CRIM1: variants seen among roughly 807,000 people sequenced by gnomAD.
CRIM1 encodes the protein cysteine-rich motor neuron 1 protein.
A neutral mutation model predicts 116.4 loss-of-function variants in CRIM1; 32 were observed. The observed-to-expected ratio is 0.27, with a 90% CI of 0.21 to 0.37. The LOEUF is 0.37. Ranked by LOEUF, CRIM1 falls within the 10% of genes least tolerant of loss-of-function variation. CRIM1 has a pLI of 1.00. For missense variants in CRIM1, 1,331 were observed against 1,354.8 expected (o/e 0.98, Z 0.28); for synonymous variants, 590 against 509.2 (o/e 1.16, Z -2.13).
At chr2:36,371,605 G>A (rs549837643) in intron 1 of CRIM1, among the ~76,000 whole-genome samples, 3 of 152,226 alleles carry the variant, frequency 2.0e-5, no homozygotes, top group Non-Finnish European at 2.9e-5. Context: ...TGCTCATGCC[G>A]ATCAGTCTTA....
intron 1 of CRIM1, among the ~76,000 whole-genome samples, chr2:36,390,453 G>A (rs1411582997): frequency 5.3e-5 from 8 of 152,124 alleles, no homozygotes; most frequent in Non-Finnish European, 7.3e-5. Flanking sequence ...TCCACACTCC[G>A]AAGCTCATTC....
At chr2:36,390,810 TTTTA>T (rs945554311) in intron 1 of CRIM1, among the ~76,000 whole-genome samples, 30 of 152,144 alleles carry the variant, frequency 2.0e-4, no homozygotes, top group African/African-American at 7.2e-4. Flanking sequence ...TGATACTTAT[TTTTA>T]TTTATTTATT....
chr2:36,470,107 A>G (rs1193225235), intron 5 of CRIM1, among the ~76,000 whole-genome samples: 2 of 152,258 alleles, frequency 1.3e-5, no homozygotes, highest in Non-Finnish European at 2.9e-5. Flanking sequence ...TGTCATCAGT[A>G]TAATTAATAA....
At chr2:36,436,401 T>C (rs1675316617) in intron 2 of CRIM1, among the ~76,000 whole-genome samples, 1 of 152,174 alleles carries the variant, frequency 6.6e-6, no homozygotes, top group Non-Finnish European at 1.5e-5. Flanking sequence ...ACTTTTGAAA[T>C]CTAAATTATT....
rs540762066 is a variant in CRIM1 at position 36,492,677 on chromosome 2, A to T, written c.1373-6542A>T. Among the ~76,000 whole-genome samples the T allele has an allele frequency of 7.9e-5, 12 of 152,336 alleles. No individual in the cohort carries two copies. In the South Asian group the frequency reaches 2.5e-3, roughly 32 times the overall value. ...TTGACATATGAAAATACAGCAAAAC[A>T]GACAAGCTTTGATGCTGTCTTGGCC... On this transcript the variant is annotated intron_variant, in intron 7 of 16. Coordinates refer to ENST00000280527, the MANE Select transcript of CRIM1 (RefSeq NM_016441.3).
intron 7 of CRIM1, 131 bp downstream of exon 7, chr2:36,479,825 A>T: frequency 1.2e-6 from 1 of 818,484 alleles, no homozygotes; most frequent in Non-Finnish European, 2.0e-6. Flanking sequence ...GTTGCCAACA[A>T]ATTTATCAAA....
At chr2:36,359,621 G>A (rs1052990193) in intron 1 of CRIM1, among the ~76,000 whole-genome samples, 1 of 152,152 alleles carries the variant, frequency 6.6e-6, no homozygotes, top group Admixed American at 6.5e-5. Context: ...AATATTTTCT[G>A]AATGATTAAA....
At chr2:36,543,033 G>C (rs1667056936) in intron 14 of CRIM1, among the ~76,000 whole-genome samples, 2 of 152,254 alleles carry the variant, frequency 1.3e-5, no homozygotes, top group Non-Finnish European at 1.5e-5. Context: ...CGAGTTTGCA[G>C]GGATGCACTG....
chr2:36,450,304 T>C (rs1156708351), intron 4 of CRIM1, among the ~76,000 whole-genome samples: 24 of 152,288 alleles, frequency 1.6e-4, no homozygotes, highest in Non-Finnish European at 2.9e-5. Context: ...TGGACCCATA[T>C]TTGCACTTGT....
intron 2 of CRIM1, among the ~76,000 whole-genome samples, chr2:36,408,905 T>G (rs1401031524): frequency 8.5e-5 from 13 of 152,118 alleles, no homozygotes; most frequent in Non-Finnish European, 1.5e-4. Context: ...TCTTATAATT[T>G]TATCACTATA....
chr2:36,529,378 C>T (rs1020456115), intron 13 of CRIM1: 5 of 218,280 alleles, frequency 2.3e-5, no homozygotes, highest in South Asian at 6.8e-5. Flanking sequence ...TGGTATACCC[C>T]GACTTTTACA....
At position 36,550,867 on chromosome 2, in the gene CRIM1, C is replaced by A. The variant is rs1667726149; in HGVS notation, c.*2166C>A. On this transcript the variant is annotated 3_prime_UTR_variant, in exon 17 of 17. Transcript: ENST00000280527. ...CAATCATGGCCATATTATGAAAATA[C>A]TAACAGGATATAGGACAAGGTGTAA... The A allele has an allele frequency of 6.6e-6, 1 of 152,390 alleles. No individual in the cohort carries two copies. 9.4% of individuals were successfully genotyped at this position (152,390 alleles called of 1,614,324 possible). A position where few individuals can be genotyped will look rare whatever the true frequency, so the allele number is the denominator to read the frequency against.
chr2:36,541,014 T>G (rs1666908027), intron 14 of CRIM1, among the ~76,000 whole-genome samples: 1 of 152,244 alleles, frequency 6.6e-6, no homozygotes, highest in African/African-American at 2.4e-5. Context: ...GCATCTGCTG[T>G]ATTCCTGATG....
intron 4 of CRIM1, among the ~76,000 whole-genome samples, chr2:36,463,916 C>G (rs1300597088): frequency 6.6e-6 from 1 of 152,300 alleles, no homozygotes; most frequent in Middle Eastern, 3.4e-3. Flanking sequence ...AGCTTAGGCC[C>G]TCTCTTTATA....
intron 4 of CRIM1, among the ~76,000 whole-genome samples, chr2:36,462,022 G>A (rs952779188): frequency 4.6e-5 from 7 of 152,162 alleles, no homozygotes; most frequent in Non-Finnish European, 1.0e-4. Context: ...AGGCTTTGCA[G>A]GGAAGGAAAC....
intron 2 of CRIM1, among the ~76,000 whole-genome samples, chr2:36,400,442 A>G: frequency 6.6e-6 from 1 of 152,110 alleles, no homozygotes; most frequent in East Asian, 1.9e-4. Context: ...CAGGGAAGAG[A>G]CATGGAGCCA....
chr2:36,511,585 C>G (rs530282405), intron 9 of CRIM1, among the ~76,000 whole-genome samples: 4 of 152,142 alleles, frequency 2.6e-5, no homozygotes, highest in Non-Finnish European at 5.9e-5. Context: ...CAAATCCAAC[C>G]GTCATGTTGG....
chr2:36,427,486 A>C (rs1039385376), intron 2 of CRIM1, among the ~76,000 whole-genome samples: 4 of 152,206 alleles, frequency 2.6e-5, no homozygotes, highest in Admixed American at 2.6e-4. Flanking sequence ...TTGTAGACAG[A>C]AAGCTTTCAG....
At chr2:36,480,390 G>T (rs535517490) in intron 7 of CRIM1, among the ~76,000 whole-genome samples, 1 of 152,292 alleles carries the variant, frequency 6.6e-6, no homozygotes, top group African/African-American at 2.4e-5. Flanking sequence ...TGTTAGTGCA[G>T]ACAAGGGCTT....
Sources: allele counts gnomAD v4.1 joint callset (sites outside exome capture counted in the v4.1 genomes callset), GRCh38; gene constraint gnomAD v4.1.1; transcripts MANE v1.5; gene names NCBI Gene and HGNC (gene_info 2026-07-23, HGNC 2026-07-21).